BANK1: variants seen among roughly 807,000 people sequenced by gnomAD.
BANK1 encodes the protein B-cell scaffold protein with ankyrin repeats.
BANK1 carries 95 observed loss-of-function variants against 94.5 expected under a neutral mutation model. The observed-to-expected ratio is 1.00, with a 90% CI of 0.85 to 1.19. BANK1 has a LOEUF of 1.19. Among genes scored for constraint, BANK1 ranks in the 50% most tolerant of loss-of-function variants. BANK1 has a pLI of 0.00. For synonymous variants in BANK1, 334 were observed against 308.4 expected, an observed-to-expected ratio of 1.08 and a Z score of -0.87; for missense variants, 987 against 932.2, an observed-to-expected ratio of 1.06 and a Z score of -0.77.
chr4:102,059,987 C>G (rs939397062), intron 11 of BANK1, among the ~76,000 whole-genome samples: 1 of 152,156 alleles, frequency 6.6e-6, no homozygotes, highest in Non-Finnish European at 1.5e-5. Flanking sequence ...CTCTCCTTGT[C>G]CTTTTCTGTC....
chr4:102,056,553 G>T (rs927336622), intron 11 of BANK1, among the ~76,000 whole-genome samples: 3 of 151,950 alleles, frequency 2.0e-5, no homozygotes, highest in East Asian at 3.9e-4. Context: ...CAGAAAAAAG[G>T]AAAGAAATGG....
At chr4:102,030,672 G>A (rs1247880462) in intron 10 of BANK1, among the ~76,000 whole-genome samples, 1 of 142,688 alleles carries the variant, frequency 7.0e-6, no homozygotes, top group Non-Finnish European at 1.5e-5. Context: ...TCCCACTTAT[G>A]AGTGAGAACA....
intron 11 of BANK1, among the ~76,000 whole-genome samples, chr4:102,053,588 G>C (rs1728125813): frequency 6.6e-6 from 1 of 151,786 alleles, no homozygotes; most frequent in Non-Finnish European, 1.5e-5. Flanking sequence ...TTTTAGAGAA[G>C]ATAGCCATTC....
rs765924421 is a variant in BANK1, at chr4:102,072,159, A to C, written c.2243-186A>C. ...CAGTATCCTACCCAAGTCAATCCAC[A>C]TGGGCAGGAGAAATTAACAGCACAT... On this transcript the variant is annotated intron_variant, in intron 14 of 16. Coordinates refer to ENST00000322953, the MANE Select transcript of BANK1 (RefSeq NM_017935.5). Among the ~76,000 whole-genome samples, 5 of 152,206 alleles carry C rather than the reference A, an allele frequency of 3.3e-5. 1 individual carries two copies. The highest frequency in any genetic ancestry group is 4.8e-5 in the African/African-American group (2 of 41,452).
intron 5 of BANK1, among the ~76,000 whole-genome samples, chr4:101,875,567 G>C (rs1322303598): frequency 6.6e-6 from 1 of 152,100 alleles, no homozygotes; most frequent in African/African-American, 2.4e-5. Flanking sequence ...CATGGGAACA[G>C]CATGTAGGAG....
In BANK1 at chr4:102,051,130, C is replaced by G. The variant is rs756554019; in HGVS notation, c.1969+7223C>G. 5.6e-4 allele frequency among the ~76,000 whole-genome samples: 85 copies of G among 152,038 alleles called. 5 individuals carry two copies. Among genetic ancestry groups the G allele is most frequent in the Non-Finnish European group, 4.4e-5 (3 of 68,016 alleles). On this transcript the variant is annotated intron_variant, in intron 11 of 16. Transcript: ENST00000322953. ...AATAAAATTGTCTAGAAGCAGGAGA[C>G]CTGGAGAAATGGGGAAGATATTACC...
chr4:101,877,628 A>T (rs1453017134), intron 5 of BANK1, among the ~76,000 whole-genome samples: 2 of 152,060 alleles, frequency 1.3e-5, no homozygotes, highest in Non-Finnish European at 2.9e-5. Flanking sequence ...TGGGGTATAA[A>T]ATAATATTTG....
intron 7 of BANK1, among the ~76,000 whole-genome samples, chr4:102,012,757 TTTTG>T (rs1214441852): frequency 1.3e-5 from 2 of 152,096 alleles, no homozygotes; most frequent in Non-Finnish European, 2.9e-5. Flanking sequence ...CTCAGCTTGT[TTTTG>T]TTTGTTTGTT....
chr4:101,970,246 G>T (rs1363808574), intron 7 of BANK1, among the ~76,000 whole-genome samples: 1 of 152,216 alleles, frequency 6.6e-6, no homozygotes, highest in East Asian at 1.9e-4. Flanking sequence ...TCAATAGGTA[G>T]CTACTATTAC....
At chr4:101,835,600 A>G (rs1726794105) in intron 2 of BANK1, among the ~76,000 whole-genome samples, 1 of 152,244 alleles carries the variant, frequency 6.6e-6, no homozygotes, top group South Asian at 2.1e-4. Context: ...GAATTATTGG[A>G]AAGGCAAAAC....
At chr4:102,068,789 C>T (rs966269833) in intron 13 of BANK1, among the ~76,000 whole-genome samples, 8 of 150,940 alleles carry the variant, frequency 5.3e-5, no homozygotes, top group African/African-American at 2.0e-4. Context: ...GATTTCTCCA[C>T]TGCACTCCAG....
intron 8 of BANK1, among the ~76,000 whole-genome samples, chr4:102,022,487 T>C (rs1364918476): frequency 6.6e-6 from 1 of 152,176 alleles, no homozygotes; most frequent in African/African-American, 2.4e-5. Context: ...GTTCTCCCCT[T>C]GTTTACTGCA....
At chr4:101,863,124 C>G (rs1291795263) in intron 4 of BANK1, among the ~76,000 whole-genome samples, 4 of 151,674 alleles carry the variant, frequency 2.6e-5, no homozygotes, top group Non-Finnish European at 5.9e-5. Context: ...CAGTATGGTG[C>G]AATTTGTACA....
chr4:101,853,066 AAGAG>A (rs141951897), intron 2 of BANK1, among the ~76,000 whole-genome samples: 2 of 150,752 alleles, frequency 1.3e-5, no homozygotes, highest in South Asian at 2.1e-4. Context: ...AGCCAGGAGG[AAGAG>A]AGAGAGAGAG....
At chr4:101,949,056 G>T (rs150498917) in intron 7 of BANK1, among the ~76,000 whole-genome samples, 4 of 151,874 alleles carry the variant, frequency 2.6e-5, no homozygotes, top group African/African-American at 9.7e-5. Context: ...TGGTCCTGTC[G>T]CTGAGGCTTG....
intron 13 of BANK1, among the ~76,000 whole-genome samples, chr4:102,070,826 A>G (rs1411734856): frequency 6.6e-6 from 1 of 152,244 alleles, no homozygotes; most frequent in African/African-American, 2.4e-5. Context: ...GGAATATTCT[A>G]CGGAGATAAA....
Position 102,025,539 on chromosome 4 carries a change from A to C in BANK1, c.1594+30A>C, listed in dbSNP as rs1320603297. 4 of 1,597,724 alleles carry C rather than the reference A, an allele frequency of 2.5e-6. No homozygotes were observed. In the African/African-American group the frequency reaches 5.4e-5, roughly 21 times the overall value. On this transcript the variant is annotated intron_variant, in intron 9 of 16. Transcript: ENST00000322953. ...GTTTAAGGTTAGAAAAAAACAAAAC[A>C]AAACAAAGACAAATCTTTGACAGGC...
intron 11 of BANK1, among the ~76,000 whole-genome samples, chr4:102,050,272 G>A (rs537943315): frequency 6.6e-5 from 10 of 152,094 alleles, no homozygotes; most frequent in Non-Finnish European, 8.8e-5. Flanking sequence ...AGATCTGTAC[G>A]GATTGGCTGT....
intron 7 of BANK1, among the ~76,000 whole-genome samples, chr4:101,984,540 G>T (rs576536599): frequency 6.6e-6 from 1 of 152,154 alleles, no homozygotes; most frequent in East Asian, 1.9e-4. Flanking sequence ...GTGCTAAGTA[G>T]TTTTGAAGTA....
Sources: gnomAD v4.1 joint callset for allele counts (sites outside exome capture counted in the v4.1 genomes callset) on GRCh38, gnomAD v4.1.1 for gene constraint, MANE v1.5 for transcripts, NCBI Gene and HGNC (gene_info 2026-07-23, HGNC 2026-07-21) for gene names.